Variants in SHC4 observed in about 807,000 individuals in gnomAD.
The protein encoded by SHC4 is SHC-transforming protein 4.
SHC4 carries 41 observed loss-of-function variants against 69.4 expected under a neutral mutation model. The observed-to-expected ratio is 0.59, with a 90% confidence interval of 0.46 to 0.77. The LOEUF (loss-of-function observed/expected upper bound fraction) is 0.77. SHC4 is among the 30% of genes least tolerant of loss of function. The pLI, the probability that SHC4 is intolerant of heterozygous loss-of-function variation, is 0.00. For missense variants in SHC4, 777 were observed against 783.8 expected (o/e 0.99, Z 0.10); for synonymous variants, 318 against 299.3 (o/e 1.06, Z -0.64).
At chr15:48,954,074 C>A (rs750242722) in intron 1 of SHC4, among the ~76,000 whole-genome samples, 3 of 152,204 alleles carry the variant, frequency 2.0e-5, no homozygotes, top group Non-Finnish European at 4.4e-5. Context: ...GGTTCATACA[C>A]TTCATCCCAC....
chr15:48,933,479 T>G (rs148477603), intron 1 of SHC4, among the ~76,000 whole-genome samples: 1 of 152,152 alleles, frequency 6.6e-6, no homozygotes, highest in Non-Finnish European at 1.5e-5. Context: ...AACTTAATAA[T>G]GTTAAGATAG....
intron 6 of SHC4, 48 bp downstream of exon 6, chr15:48,867,770 G>A: frequency 6.7e-7 from 1 of 1,502,030 alleles, no homozygotes; most frequent in Non-Finnish European, 9.3e-7. Context: ...ACTTTTTAGA[G>A]TTGGTATATA....
intron 10 of SHC4, among the ~76,000 whole-genome samples, chr15:48,835,513 A>G (rs1898882451): frequency 6.6e-6 from 1 of 152,218 alleles, no homozygotes; most frequent in African/African-American, 2.4e-5. Flanking sequence ...GTGTGTGTCT[A>G]GTCATTCTTC....
chr15:48,955,397 G>A (rs896390418), intron 1 of SHC4, among the ~76,000 whole-genome samples: 25 of 152,110 alleles, frequency 1.6e-4, no homozygotes, highest in South Asian at 4.2e-4. Context: ...CTGTCATATT[G>A]GGGTCCAGGC....
At chr15:48,957,179 T>C (rs1165868091) in intron 1 of SHC4, among the ~76,000 whole-genome samples, 2 of 152,044 alleles carry the variant, frequency 1.3e-5, no homozygotes, top group East Asian at 1.9e-4. Flanking sequence ...GGTTTCACCA[T>C]GTTGGCCTGG....
chr15:48,920,115 C>T (rs570870980), intron 2 of SHC4, among the ~76,000 whole-genome samples: 22 of 151,422 alleles, frequency 1.5e-4, no homozygotes, highest in Non-Finnish European at 2.4e-4. Context: ...CCCGGGTTCA[C>T]GCCATTCTCT....
intron 10 of SHC4, among the ~76,000 whole-genome samples, chr15:48,841,024 A>G (rs969132956): frequency 6.9e-6 from 1 of 145,402 alleles, no homozygotes; most frequent in Non-Finnish European, 1.6e-5. Flanking sequence ...TTTGTTATGT[A>G]TTAATTTTGC....
rs1426456749 is a variant in SHC4, at chr15:48,834,972, G to A, written c.1534C>T (p.His512Tyr). 1 of 1,613,204 alleles carries A rather than the reference G, an allele frequency of 6.2e-7. No individual in the cohort carries two copies. Among genetic ancestry groups the A allele is most frequent in the Admixed American group, 1.7e-5 (1 of 59,920 alleles). Residue 512 changes from histidine to tyrosine, a missense_variant, in exon 11 of 12, where the codon CAT becomes TAT. His to Tyr is a moderately conservative substitution (Grantham distance 83). Coordinates refer to ENST00000332408, the MANE Select transcript of SHC4 (RefSeq NM_203349.4). Reference sequence around the variant, plus strand: ...TGCTGCTTAATGTGTGGCAAAGAATGTGAGCTGGCAGGCTGGGCTGTGGCA... The same window carrying A: ...TGCTGCTTAATGTGTGGCAAAGAATATGAGCTGGCAGGCTGGGCTGTGGCA... ...PGATAQPASS[H>Y]SLPHIKQQLW...
At chr15:48,850,856 G>C (rs772452603) in intron 9 of SHC4, among the ~76,000 whole-genome samples, 1 of 152,104 alleles carries the variant, frequency 6.6e-6, no homozygotes, top group Non-Finnish European at 1.5e-5. Context: ...GCTTACTCCT[G>C]ATCTTCTTTG....
chr15:48,946,160 T>C (rs1435510239), intron 1 of SHC4: 2 of 152,256 alleles, frequency 1.3e-5, no homozygotes, highest in Non-Finnish European at 2.9e-5. Flanking sequence ...GTGGGCATCT[T>C]ATTCAGAAGA....
chr15:48,883,332 A>G (rs1899977978), intron 4 of SHC4, among the ~76,000 whole-genome samples: 1 of 152,202 alleles, frequency 6.6e-6, no homozygotes, highest in South Asian at 2.1e-4. Context: ...CATTTCACTG[A>G]TGAGGAAAAC....
intron 1 of SHC4, among the ~76,000 whole-genome samples, chr15:48,956,950 TTTTCTTTC>T (rs200677120): frequency 7.7e-4 from 53 of 68,828 alleles, no homozygotes; most frequent in African/African-American, 2.6e-3. Context: ...CTTTTTTTCT[TTTTCTTTC>T]TTTCTTTCTT....
At chr15:48,858,404 G>A (rs926862732) in intron 6 of SHC4, among the ~76,000 whole-genome samples, 3 of 152,138 alleles carry the variant, frequency 2.0e-5, no homozygotes, top group African/African-American at 2.4e-5. Context: ...CTAAAAAAGT[G>A]TCTTCAATAA....
chr15:48,826,693 A>G (rs1465926128), intron 11 of SHC4, among the ~76,000 whole-genome samples: 4 of 152,168 alleles, frequency 2.6e-5, no homozygotes, highest in Admixed American at 2.0e-4. Flanking sequence ...CACTATCTCT[A>G]TAACTATTTA....
intron 1 of SHC4, among the ~76,000 whole-genome samples, chr15:48,932,856 T>A (rs888728967): frequency 2.6e-5 from 4 of 152,184 alleles, no homozygotes; most frequent in African/African-American, 7.2e-5. Flanking sequence ...GTTTCTTCTT[T>A]GTATCCTCTG....
intron 4 of SHC4, chr15:48,876,712 A>T: frequency 1.9e-6 from 1 of 539,212 alleles, no homozygotes; most frequent in Admixed American, 2.9e-5. Flanking sequence ...CTCTTTTCAC[A>T]TTTTTCTGCC....
intron 2 of SHC4, among the ~76,000 whole-genome samples, chr15:48,922,950 G>C (rs1310325173): frequency 6.6e-6 from 1 of 152,192 alleles, no homozygotes; most frequent in Non-Finnish European, 1.5e-5. Context: ...AAGAAATGTA[G>C]CTGCTTGCAA....
At chr15:48,895,715 C>T (rs1900210253) in intron 2 of SHC4, among the ~76,000 whole-genome samples, 1 of 152,122 alleles carries the variant, frequency 6.6e-6, no homozygotes, top group Admixed American at 6.5e-5. Flanking sequence ...ACAGAGCGCC[C>T]AAAATCTCTT....
At chr15:48,941,887 A>G (rs571098408) in intron 1 of SHC4, among the ~76,000 whole-genome samples, 2 of 151,680 alleles carry the variant, frequency 1.3e-5, no homozygotes, top group Non-Finnish European at 2.9e-5. Flanking sequence ...TTCATCCTTC[A>G]CCTCCTTCAC....
Sources: gnomAD v4.1 joint callset for allele counts (sites outside exome capture counted in the v4.1 genomes callset) on GRCh38, gnomAD v4.1.1 for gene constraint, MANE v1.5 for transcripts, NCBI Gene and HGNC (gene_info 2026-07-23, HGNC 2026-07-21) for gene names.